The following CASK variants were observed in gnomAD, a reference collection of about 807,000 sequenced individuals.
CASK encodes calcium/calmodulin dependent serine protein kinase, also known as peripheral plasma membrane protein CASK.
In CASK, 4 loss-of-function variants were observed where a neutral mutation model predicts 82.9. The ratio of observed to expected loss-of-function variants is 0.05; its 90% CI spans 0.02 to 0.11. CASK has a LOEUF of 0.11. CASK is among the 10% of genes least tolerant of loss of function. The pLI, the probability that CASK is intolerant of heterozygous loss-of-function variation, is 1.00. For missense variants in CASK, 358 were observed against 720.9 expected (o/e 0.50, Z 5.76); for synonymous variants, 259 against 253.5 (o/e 1.02, Z -0.20).
At chrX:41,616,794 A>T (rs1322712908) in intron 11 of CASK, among the ~76,000 whole-genome samples, 2 of 111,200 alleles carry the variant, frequency 1.8e-5, no homozygotes, top group African/African-American at 6.5e-5. Context: ...TTTTTAGTAG[A>T]GACGGGGTTT....
chrX:41,633,596 C>CTTTTTTTTTTTTTT (rs201315802), intron 9 of CASK, among the ~76,000 whole-genome samples: 1 of 103,343 alleles, frequency 9.7e-6, no homozygotes, highest in African/African-American at 3.5e-5. Flanking sequence ...CTAGAGGATT[C>CTTTTTTTTTTTTTT]TTTTTTTTTA....
chrX:41,702,380 C>T (rs775363132), intron 5 of CASK, among the ~76,000 whole-genome samples: 3 of 106,252 alleles, frequency 2.8e-5, no homozygotes, highest in East Asian at 3.0e-4. Context: ...AGCAAAACTT[C>T]GTCTCAAAAA....
Position 41,632,520 on chromosome X carries a change from A to G in CASK, c.915+4058T>C, listed in dbSNP as rs144185510. Among the ~76,000 whole-genome samples, 305 of 112,052 alleles carry G rather than the reference A, an allele frequency of 2.7e-3. 1 individual carries two copies. The highest frequency in any genetic ancestry group is 6.6e-3 in the South Asian group (18 of 2,710). On this transcript the variant is annotated intron_variant, in intron 9 of 26. Transcript: ENST00000378163. ...TAGCCATCAGTCACACGTGGTATTG[A>G]GCATTTGAAAGGTGCTAGCGCAACA...
chrX:41,768,230 T>C (rs1225928991), intron 3 of CASK, among the ~76,000 whole-genome samples: 2 of 111,157 alleles, frequency 1.8e-5, no homozygotes, highest in Non-Finnish European at 3.8e-5. Context: ...TTCATGTTTA[T>C]CTTATATTTT....
chrX:41,660,330 T>C lies in CASK; in HGVS notation c.831+109A>G, dbSNP rs572634502. 122 of 644,473 alleles carry C rather than the reference T, an allele frequency of 1.9e-4. 1 individual carries two copies. The South Asian group carries it at 2.9e-3, about 15-fold the overall frequency. 53.1% of individuals were successfully genotyped at this position (644,473 alleles called of 1,213,427 possible). On this transcript the variant is annotated intron_variant, in intron 8 of 26. Coordinates refer to ENST00000378163, the MANE Select transcript of CASK (RefSeq NM_001367721.1). ...CAAGATGAAAAAAACTAATGAAAAC[T>C]GCTCAGAAAAAAGAAAAGGTAAAAA...
At chrX:41,643,233 GGATT>G (rs2066692967) in intron 8 of CASK, among the ~76,000 whole-genome samples, 1 of 111,852 alleles carries the variant, frequency 8.9e-6, no homozygotes, top group Admixed American at 9.5e-5. Flanking sequence ...TTTTTGCTTA[GGATT>G]GATTGTCTTG....
chrX:41,914,696 C>T (rs937204054), intron 1 of CASK, among the ~76,000 whole-genome samples: 6 of 112,284 alleles, frequency 5.3e-5, no homozygotes, highest in Admixed American at 9.4e-5. Flanking sequence ...TTTGTCACTT[C>T]ATGAAAGGCT....
chrX:41,810,010 G>A (rs2070233711), intron 2 of CASK, among the ~76,000 whole-genome samples: 1 of 112,056 alleles, frequency 8.9e-6, no homozygotes, highest in Admixed American at 9.5e-5. Context: ...TCAAATGAAT[G>A]AAATGAAGCG....
At chrX:41,686,891 C>A (rs977828144) in intron 5 of CASK, among the ~76,000 whole-genome samples, 22 of 111,660 alleles carry the variant, frequency 2.0e-4, no homozygotes. Flanking sequence ...ATAATCCCAA[C>A]AAGAGAAAGA....
chrX:41,646,144 T>C (rs1382274540), intron 8 of CASK, among the ~76,000 whole-genome samples: 1 of 111,498 alleles, frequency 9.0e-6, no homozygotes, highest in Non-Finnish European at 1.9e-5. Context: ...ACAGGACATT[T>C]AGTCTCTGGT....
chrX:41,655,856 A>G (rs1440773088), intron 8 of CASK, among the ~76,000 whole-genome samples: 2 of 111,919 alleles, frequency 1.8e-5, no homozygotes, highest in African/African-American at 6.5e-5. Context: ...GAAATGAACA[A>G]TAACAAAAGC....
intron 22 of CASK, among the ~76,000 whole-genome samples, chrX:41,540,872 A>G (rs779243772): frequency 1.8e-5 from 2 of 112,499 alleles, no homozygotes; most frequent in Non-Finnish European, 3.8e-5. Context: ...CTTTCCTCAG[A>G]GCTGAATTAA....
At chrX:41,826,098 A>G (rs2070659098) in intron 2 of CASK, among the ~76,000 whole-genome samples, 1 of 112,063 alleles carries the variant, frequency 8.9e-6, no homozygotes, top group Non-Finnish European at 1.9e-5. Context: ...CAACTACTAC[A>G]ATCTCACTCA....
At chrX:41,810,077 T>C (rs944155912) in intron 2 of CASK, among the ~76,000 whole-genome samples, 2 of 111,628 alleles carry the variant, frequency 1.8e-5, no homozygotes, top group African/African-American at 6.5e-5. Context: ...CTTCAAGAAA[T>C]ATGGGACTAT....
intron 12 of CASK, among the ~76,000 whole-genome samples, chrX:41,608,746 C>CT (rs1370966110): frequency 8.9e-6 from 1 of 112,035 alleles, no homozygotes; most frequent in African/African-American, 3.2e-5. Context: ...GGAGTATATG[C>CT]TTATGTTTTA....
intron 2 of CASK, among the ~76,000 whole-genome samples, chrX:41,841,571 A>C (rs1189052520): frequency 4.0e-5 from 4 of 101,248 alleles, no homozygotes; most frequent in Non-Finnish European, 7.9e-5. Context: ...GCTGGACTGC[A>C]GTGGCATGAT....
chrX:41,563,356 C>CAAAAA (rs746081703), intron 16 of CASK, among the ~76,000 whole-genome samples: 3 of 15,084 alleles, frequency 2.0e-4, no homozygotes, highest in Non-Finnish European at 3.5e-4. Context: ...GACCCTGTCT[C>CAAAAA]AAAAAAAAAA....
chrX:41,870,081 C>T (rs907113849), intron 1 of CASK, among the ~76,000 whole-genome samples: 2 of 109,968 alleles, frequency 1.8e-5, no homozygotes, highest in African/African-American at 6.6e-5. Context: ...GAGGAAATGG[C>T]TGAGAATTTT....
chrX:41,861,342 TTGA>T (rs1407865190), intron 1 of CASK, among the ~76,000 whole-genome samples: 1 of 110,727 alleles, frequency 9.0e-6, no homozygotes, highest in Non-Finnish European at 1.9e-5. Context: ...TAGCTCACAC[TTGA>T]TGGAGGATAT....
Sources: allele counts gnomAD v4.1 joint callset (sites outside exome capture counted in the v4.1 genomes callset), GRCh38; gene constraint gnomAD v4.1.1; transcripts MANE v1.5; gene names NCBI Gene and HGNC (gene_info 2026-07-23, HGNC 2026-07-21).